ITSN2: variants seen among roughly 807,000 people sequenced by gnomAD.
ITSN2 encodes the protein intersectin 2, also known as intersectin-2.
In ITSN2, 156 loss-of-function variants were observed where a neutral mutation model predicts 243.7. That is an observed-to-expected ratio of 0.64 (90% CI 0.56 to 0.73). The LOEUF (loss-of-function observed/expected upper bound fraction) is 0.73. ITSN2 is among the 30% of genes least tolerant of loss of function. ITSN2 has a pLI of 0.00. For missense variants in ITSN2, 1,801 were observed against 1,996.1 expected (o/e 0.90, Z 1.86); for synonymous variants, 703 against 699.9 (o/e 1.00, Z -0.07).
chr2:24,235,064 T>C (rs1380748393), intron 29 of ITSN2, among the ~76,000 whole-genome samples: 1 of 152,232 alleles, frequency 6.6e-6, no homozygotes, highest in African/African-American at 2.4e-5. Context: ...AACAGCTTCA[T>C]TCAGAATTGC....
intron 1 of ITSN2, among the ~76,000 whole-genome samples, chr2:24,340,095 C>T (rs1223885371): frequency 6.6e-6 from 1 of 151,942 alleles, no homozygotes; most frequent in Non-Finnish European, 1.5e-5. Flanking sequence ...TAACCAAGAT[C>T]ACACAATTTA....
rs950984341 is a variant in ITSN2 at position 24,210,614 on chromosome 2, C to CA, written c.4257+165dup. Among the ~76,000 whole-genome samples, 15,144 of 52,480 alleles carry CA rather than the reference C, an allele frequency of 0.29. 1,709 individuals carry two copies. Among genetic ancestry groups the CA allele is most frequent in the Non-Finnish European group, 0.38 (10,832 of 28,518 alleles). The allele number at this position is 52,480 out of a possible 152,430, so 34.4% of individuals were successfully genotyped here. On this transcript the variant is annotated intron_variant, in intron 34 of 39. Coordinates refer to ENST00000355123, the MANE Select transcript of ITSN2 (RefSeq NM_006277.3). The stretch of plus-strand genomic sequence containing the variant: ...TGGGCAACAGAGTGAGACTCCGTCT[C>CA]AAAAAAAAAAAAAAAAAAAAGAAAA...
chr2:24,294,665 C>T (rs1450749557), intron 14 of ITSN2, among the ~76,000 whole-genome samples: 2 of 152,134 alleles, frequency 1.3e-5, no homozygotes, highest in African/African-American at 4.8e-5. Context: ...CCCCAAGGGA[C>T]ATATTCAAGT....
chr2:24,231,372 T>C lies in ITSN2; in HGVS notation c.3578-10306A>G, dbSNP rs541795091. ...TGTGATGTGAAGATACACTCTGAGC[T>C]TCAGGAGACAGTACAGCAGTGTTGA... is the stretch of plus-strand genomic sequence containing the variant. On this transcript the variant is annotated intron_variant, in intron 29 of 39. Transcript: ENST00000355123. Among the ~76,000 whole-genome samples, 209 of 152,348 alleles carry C rather than the reference T, an allele frequency of 1.4e-3. 1 individual carries two copies. Among genetic ancestry groups the C allele is most frequent in the African/African-American group, 4.6e-3 (191 of 41,576 alleles).
At chr2:24,350,166 AGCCCCTGAGAACTGAGGAGACG>A (rs1394481279) in intron 1 of ITSN2, among the ~76,000 whole-genome samples, 1 of 152,218 alleles carries the variant, frequency 6.6e-6, no homozygotes, top group Non-Finnish European at 1.5e-5. Flanking sequence ...GAATAACAAT[AGCCCCTGAGAACTGAGGAGACG>A]GCTTGTATTT....
At position 24,210,937 on chromosome 2, in the gene ITSN2, T is replaced by A. The variant is rs148753185; in HGVS notation, c.4100A>T (p.Asn1367Ile). 3 of 1,614,012 alleles carry A rather than the reference T, an allele frequency of 1.9e-6. No homozygotes were observed. Among genetic ancestry groups the A allele is most frequent in the South Asian group, 2.2e-5 (2 of 91,090 alleles). Residue 1367 changes from asparagine (N) to isoleucine (I), a missense_variant, in exon 34 of 40, where the codon AAC becomes ATC. Asn to Ile is a moderately radical substitution (Grantham distance 149). Around this residue, in one of 5 missense-constraint regions of ITSN2, gnomAD observed 928 missense variants for 1,065.4 expected, o/e 0.87. Transcript: ENST00000355123. ...ATGGTCTGCATGGCTCTCCGGGGTG[T>A]TCTCCAGAATCTGGAAAAGAGTGGG... The part of the protein sequence containing the change: ...YPLLIRSILE[N>I]TPESHADHSS...
At chr2:24,212,195 T>G (rs1669553319) in intron 33 of ITSN2, among the ~76,000 whole-genome samples, 1 of 152,192 alleles carries the variant, frequency 6.6e-6, no homozygotes, top group Admixed American at 6.5e-5. Flanking sequence ...GAACTCTATT[T>G]ATGATGTGCC....
At chr2:24,226,178 G>A (rs1301698803) in intron 29 of ITSN2, among the ~76,000 whole-genome samples, 2 of 152,148 alleles carry the variant, frequency 1.3e-5, no homozygotes, top group Non-Finnish European at 2.9e-5. Context: ...TATTTGTTAG[G>A]GGATAGAATA....
intron 12 of ITSN2, 25 bp downstream of exon 12, chr2:24,299,884 A>C (rs1483779324): frequency 6.5e-7 from 1 of 1,542,478 alleles, no homozygotes; most frequent in Admixed American, 2.0e-5. Flanking sequence ...TGATTTTCTT[A>C]AGAAGTAAAA....
At chr2:24,224,067 A>AAAG (rs1670781073) in intron 29 of ITSN2, among the ~76,000 whole-genome samples, 1 of 151,846 alleles carries the variant, frequency 6.6e-6, no homozygotes, top group Non-Finnish European at 1.5e-5. Flanking sequence ...TTTGTGGAGC[A>AAAG]AGGAGAGGCT....
chr2:24,353,055 C>A (rs1048565621), intron 1 of ITSN2, among the ~76,000 whole-genome samples: 1 of 151,928 alleles, frequency 6.6e-6, no homozygotes, highest in Non-Finnish European at 1.5e-5. Flanking sequence ...TGAAGCCATA[C>A]AAGAAAACAA....
In ITSN2 at chr2:24,298,420, C is replaced by G. The variant is rs539875789; in HGVS notation, c.1494+245G>C. ...ATCCACCCACCTCAGCCTCCCAAAG[C>G]GTTGGGATTACAGTGAGCCACCATG... is the stretch of plus-strand genomic sequence containing the variant. On this transcript the variant is annotated intron_variant, in intron 13 of 39. Transcript: ENST00000355123. Among the ~76,000 whole-genome samples, 283 of 151,972 alleles carry G rather than the reference C, an allele frequency of 1.9e-3. 4 individuals are homozygous for G. The highest frequency in any genetic ancestry group is 0.017 in the Admixed American group (255 of 15,260).
intron 20 of ITSN2, among the ~76,000 whole-genome samples, chr2:24,263,632 A>G (rs1437530685): frequency 6.6e-6 from 1 of 152,090 alleles, no homozygotes; most frequent in Non-Finnish European, 1.5e-5. Flanking sequence ...TCTGTCCTAT[A>G]TATTAGTTTA....
intron 8 of ITSN2, among the ~76,000 whole-genome samples, chr2:24,304,106 T>G (rs1327490869): frequency 6.6e-6 from 1 of 152,200 alleles, no homozygotes; most frequent in Non-Finnish European, 1.5e-5. Flanking sequence ...TTCAGCAAGA[T>G]AATAATACAC....
chr2:24,282,395 T>A (rs981989455), intron 17 of ITSN2, among the ~76,000 whole-genome samples: 2 of 152,156 alleles, frequency 1.3e-5, no homozygotes, highest in African/African-American at 2.4e-5. Flanking sequence ...GGCTCCCCCA[T>A]CTGCTGAGAG....
chr2:24,224,071 A>AG lies in ITSN2; in HGVS notation c.3578-3006dup, dbSNP rs75233132. On this transcript the variant is annotated intron_variant, in intron 29 of 39. Transcript: ENST00000355123. ...TTGACGAGGCTTTTGTGGAGCAAGG[A>AG]GAGGCTTGGTGACCAGACACCTGGC... Among the ~76,000 whole-genome samples the AG allele has an allele frequency of 1.5e-4, 22 of 150,278 alleles. No homozygotes were observed. In the East Asian group the frequency reaches 4.1e-3, roughly 28 times the overall value.
intron 14 of ITSN2, among the ~76,000 whole-genome samples, chr2:24,294,196 C>A (rs555489267): frequency 3.9e-5 from 6 of 152,146 alleles, no homozygotes; most frequent in Non-Finnish European, 8.8e-5. Flanking sequence ...GAGGCCAAGG[C>A]AGGTGGATCA....
intron 17 of ITSN2, among the ~76,000 whole-genome samples, chr2:24,276,619 C>A (rs1678044584): frequency 6.6e-6 from 1 of 152,192 alleles, no homozygotes; most frequent in African/African-American, 2.4e-5. Context: ...CTGCCTTCCT[C>A]TAGGAAACTG....
chr2:24,209,402 C>A (rs942348864), intron 35 of ITSN2, among the ~76,000 whole-genome samples, 181 bp from the exon 36 acceptor site: 1 of 152,200 alleles, frequency 6.6e-6, no homozygotes, highest in African/African-American at 2.4e-5. Flanking sequence ...ATGAAGCCTC[C>A]ATTTCTGGAA....
Sources: allele counts gnomAD v4.1 joint callset (sites outside exome capture counted in the v4.1 genomes callset), GRCh38; gene constraint gnomAD v4.1.1; regional missense constraint gnomAD v4.1.1; transcripts MANE v1.5; gene names NCBI Gene and HGNC (gene_info 2026-07-23, HGNC 2026-07-21).